CD200R1: variants seen among roughly 807,000 people sequenced by gnomAD.
The protein encoded by CD200R1 is CD200 receptor 1.
In CD200R1, 30 loss-of-function variants were observed where a neutral mutation model predicts 38.1. The observed-to-expected ratio is 0.79, with a 90% CI of 0.59 to 1.07. The LOEUF (loss-of-function observed/expected upper bound fraction) is 1.07, where lower values mean the gene tolerates loss of function less well. Among genes scored for constraint, CD200R1 ranks in the 50% least tolerant of loss-of-function variants. The pLI, the probability that CD200R1 is intolerant of heterozygous loss-of-function variation, is 0.00. For missense variants in CD200R1, 372 were observed against 415.4 expected (o/e 0.90, Z 0.91); for synonymous variants, 128 against 152.1 (o/e 0.84, Z 1.16).
At chr3:112,931,042 A>G (rs1484242215) in intron 3 of CD200R1, 64 bp downstream of exon 3, 1 of 1,176,972 alleles carries the variant, frequency 8.5e-7, no homozygotes, top group Admixed American at 1.7e-5. Context: ...TCATTAGCTA[A>G]TATTTCTAAG....
chr3:112,933,982 G>C (rs1940516882), intron 2 of CD200R1, among the ~76,000 whole-genome samples: 1 of 151,884 alleles, frequency 6.6e-6, no homozygotes, highest in South Asian at 2.1e-4. Flanking sequence ...ACAGGATTTA[G>C]GAGACATCAG....
intron 1 of CD200R1, among the ~76,000 whole-genome samples, chr3:112,948,262 GGTA>G (rs1422826564): frequency 6.6e-6 from 1 of 152,052 alleles, no homozygotes. Flanking sequence ...CCAATGAGGA[GGTA>G]AAAAAAGTTT....
intron 1 of CD200R1, 36 bp from the exon 2 acceptor site, chr3:112,947,960 AAAT>A (rs756464460): frequency 1.5e-6 from 2 of 1,308,540 alleles, no homozygotes; most frequent in Non-Finnish European, 2.2e-6. Flanking sequence ...GTAGAGAGAG[AAAT>A]ATGCATTAAT....
At chr3:112,961,686 C>CA (rs1182479706) in intron 1 of CD200R1, among the ~76,000 whole-genome samples, 2 of 151,000 alleles carry the variant, frequency 1.3e-5, no homozygotes, top group Non-Finnish European at 3.0e-5. Context: ...TTCTGTATGA[C>CA]AAAAAAGAAA....
At chr3:112,931,329 G>A (rs1362487526) in intron 2 of CD200R1, among the ~76,000 whole-genome samples, 158 bp from the exon 3 acceptor site, 1 of 151,994 alleles carries the variant, frequency 6.6e-6, no homozygotes, top group Admixed American at 6.6e-5. Context: ...TAGAAGTCAT[G>A]CCATCATTAG....
chr3:112,953,255 G>A (rs1287058974), intron 1 of CD200R1, among the ~76,000 whole-genome samples: 2 of 152,132 alleles, frequency 1.3e-5, no homozygotes, highest in Non-Finnish European at 2.9e-5. Flanking sequence ...GATGTCTCAT[G>A]TTTATTGATT....
intron 1 of CD200R1, among the ~76,000 whole-genome samples, chr3:112,974,386 C>T (rs973613339): frequency 5.9e-5 from 9 of 152,046 alleles, no homozygotes; most frequent in Non-Finnish European, 1.0e-4. Context: ...CAGTGAGCTA[C>T]GATTGCACCA....
At chr3:112,927,552 T>G (rs1293550289) in intron 5 of CD200R1, among the ~76,000 whole-genome samples, 1 of 152,110 alleles carries the variant, frequency 6.6e-6, no homozygotes, top group East Asian at 1.9e-4. Flanking sequence ...AAGTCTCATA[T>G]ATGAAAGAAA....
At position 112,928,882 on chromosome 3, in the gene CD200R1, A is replaced by G. The variant is rs1220297955; in HGVS notation, c.703T>C (p.Ser235Pro). Residue 235 changes from serine (S) to proline (P), a missense_variant, in exon 5 of 8, where the codon TCT (serine) becomes CCT (proline). Ser to Pro is a moderately conservative substitution (Grantham distance 74). Coordinates refer to ENST00000308611, the MANE Select transcript of CD200R1 (RefSeq NM_138806.4). ...TGGGAGACGTGGCAGGTCACGGTAG[A>G]CACATTGTGGACCTCCCAGTGGCAT... ...STCHWEVHNV[S>P]TVTCHVSHLT... 1.2e-6 allele frequency: 2 copies of G among 1,613,962 alleles called. No individual in the cohort carries two copies. The highest frequency in any genetic ancestry group is 1.7e-5 in the Admixed American group (1 of 60,002).
rs1196753710 is a variant in CD200R1 at position 112,921,894 on chromosome 3, T to C, written c.*1783A>G. On this transcript the variant is annotated 3_prime_UTR_variant, in exon 8 of 8. Coordinates refer to ENST00000308611, the MANE Select transcript of CD200R1 (RefSeq NM_138806.4). ...AGTACTGTCTTACTTTGTTTTTCAGTAATATTTAAACAGATAGTCTTGAAC... is the reference window on the plus strand; with the variant it reads ...AGTACTGTCTTACTTTGTTTTTCAGCAATATTTAAACAGATAGTCTTGAAC... The C allele has an allele frequency of 6.6e-6, 1 of 152,090 alleles. No homozygotes were observed. Among genetic ancestry groups the C allele is most frequent in the Non-Finnish European group, 1.5e-5 (1 of 67,978 alleles). 9.4% of individuals were successfully genotyped at this position (152,090 alleles called of 1,614,324 possible). A position where few individuals can be genotyped will look rare whatever the true frequency, so the allele number is the denominator to read the frequency against.
intron 2 of CD200R1, among the ~76,000 whole-genome samples, chr3:112,932,698 C>G (rs1486028610): frequency 1.3e-5 from 2 of 152,080 alleles, no homozygotes; most frequent in Non-Finnish European, 2.9e-5. Flanking sequence ...CCAGAGGACA[C>G]ATCCCCAGAC....
chr3:112,953,202 A>G (rs537914676), intron 1 of CD200R1, among the ~76,000 whole-genome samples: 2 of 152,268 alleles, frequency 1.3e-5, no homozygotes, highest in East Asian at 1.9e-4. Context: ...TTTTGCATCT[A>G]TGGAAATGAT....
rs1940182779 is a variant in CD200R1, at chr3:112,922,173, GAGAAAAATATACTT to G, written c.*1490_*1503del. 6.6e-6 allele frequency: 1 copy of G among 151,962 alleles called. No homozygotes were observed. The highest frequency in any genetic ancestry group is 6.6e-5 in the Admixed American group (1 of 15,216). 9.4% of individuals were successfully genotyped at this position (151,962 alleles called of 1,614,324 possible). A position where few individuals can be genotyped will look rare whatever the true frequency, so the allele number is the denominator to read the frequency against. On this transcript the variant is annotated 3_prime_UTR_variant, in exon 8 of 8. Transcript: ENST00000308611. Reference sequence around the variant, plus strand: ...CCATAGTAACTGAAATGTCTAGAGGGAGAAAAATATACTTATAAGACAAAATAGCTGTCTTAAAA... The same window carrying G: ...CCATAGTAACTGAAATGTCTAGAGGGATAAGACAAAATAGCTGTCTTAAAA...
chr3:112,970,893 C>A (rs139568194), intron 1 of CD200R1, among the ~76,000 whole-genome samples: 9 of 152,322 alleles, frequency 5.9e-5, no homozygotes, highest in African/African-American at 2.2e-4. Context: ...TGGCTCCCTT[C>A]CTGTCTCTTC....
intron 2 of CD200R1, among the ~76,000 whole-genome samples, chr3:112,934,557 TG>T (rs200547515): frequency 0.012 from 1,871 of 152,196 alleles, 38 homozygotes; most frequent in African/African-American, 0.043. Flanking sequence ...CAGCTGGGCA[TG>T]GTGGCTCACG....
At chr3:112,927,187 T>C (rs1287414736) in intron 5 of CD200R1, among the ~76,000 whole-genome samples, 1 of 151,766 alleles carries the variant, frequency 6.6e-6, no homozygotes, top group Admixed American at 6.6e-5. Flanking sequence ...GAGAATGAAA[T>C]ACCAGACTGA....
intron 1 of CD200R1, among the ~76,000 whole-genome samples, chr3:112,968,284 C>A (rs556567128): frequency 1.3e-5 from 2 of 152,208 alleles, no homozygotes; most frequent in African/African-American, 4.8e-5. Flanking sequence ...ATAATATATT[C>A]AATCTTAACA....
At chr3:112,935,748 C>T (rs1940560463) in intron 2 of CD200R1, among the ~76,000 whole-genome samples, 1 of 152,052 alleles carries the variant, frequency 6.6e-6, no homozygotes, top group South Asian at 2.1e-4. Flanking sequence ...GAAACTGAAC[C>T]TAAAAAGAAA....
At chr3:112,971,311 A>C (rs1248145139) in intron 1 of CD200R1, among the ~76,000 whole-genome samples, 1 of 152,230 alleles carries the variant, frequency 6.6e-6, no homozygotes, top group African/African-American at 2.4e-5. Context: ...GTACATGTTC[A>C]GTACTAATGA....
Sources: allele counts gnomAD v4.1 joint callset (sites outside exome capture counted in the v4.1 genomes callset), GRCh38; gene constraint gnomAD v4.1.1; transcripts MANE v1.5; gene names NCBI Gene and HGNC (gene_info 2026-07-23, HGNC 2026-07-21).